NMNAT2: variants seen among roughly 807,000 people sequenced by gnomAD.
NMNAT2 encodes the protein nicotinamide/nicotinic acid mononucleotide adenylyltransferase 2.
In NMNAT2, 11 loss-of-function variants were observed where a neutral mutation model predicts 41.6. The ratio of observed to expected loss-of-function variants is 0.26; its 90% CI spans 0.17 to 0.44. The LOEUF is 0.44. NMNAT2 is among the 20% of genes least tolerant of loss of function. The probability of loss-of-function intolerance (pLI) is 1.00; values close to 1 mark genes in which losing one functional copy is unlikely to be tolerated. For missense variants in NMNAT2, 288 were observed against 407.7 expected, an observed-to-expected ratio of 0.71 and a Z score of 2.53; for synonymous variants, 148 against 151.2, an observed-to-expected ratio of 0.98 and a Z score of 0.16.
At chr1:183,294,040 T>G (rs1381881919) in intron 1 of NMNAT2, among the ~76,000 whole-genome samples, 1 of 152,186 alleles carries the variant, frequency 6.6e-6, no homozygotes, top group Non-Finnish European at 1.5e-5. Flanking sequence ...AAGTCCTCTG[T>G]GGGAGGAGCC....
chr1:183,339,013 C>T (rs976711126), intron 1 of NMNAT2, among the ~76,000 whole-genome samples: 1 of 152,090 alleles, frequency 6.6e-6, no homozygotes, highest in East Asian at 1.9e-4. Flanking sequence ...TCCTGCCAGG[C>T]GACCCTGCCC....
intron 10 of NMNAT2, 39 bp downstream of exon 10, chr1:183,260,963 A>G: frequency 6.7e-7 from 1 of 1,501,898 alleles, no homozygotes; most frequent in Non-Finnish European, 9.3e-7. Flanking sequence ...CTTATAAGAC[A>G]GTTTGACTAA....
chr1:183,256,724 A>G (rs1389775129), intron 10 of NMNAT2, among the ~76,000 whole-genome samples: 1 of 152,154 alleles, frequency 6.6e-6, no homozygotes, highest in Non-Finnish European at 1.5e-5. Flanking sequence ...GGACTTTTAC[A>G]TCAATGCTCA....
chr1:183,364,204 G>A (rs889300348), intron 1 of NMNAT2, among the ~76,000 whole-genome samples: 3 of 152,228 alleles, frequency 2.0e-5, no homozygotes, highest in African/African-American at 7.2e-5. Flanking sequence ...ACACGAAAGG[G>A]GATATGACAC....
Position 183,261,287 on chromosome 1 carries a change from C to G in NMNAT2, c.668G>C (p.Gly223Ala). Residue 223 changes from glycine to alanine, a missense_variant, in exon 9 of 11, where the codon GGT becomes GCT. Transcript: ENST00000287713. ...WNEADMEVIV[G>A]DFGIVVVPRD... ...GGGCACCACCACAATCCCAAAGTCA[C>G]CAACAATCACCTCCATCTAAAGAAA... The G allele has an allele frequency of 6.2e-7, 1 of 1,613,582 alleles. No individual in the cohort carries two copies.
intron 1 of NMNAT2, among the ~76,000 whole-genome samples, chr1:183,379,047 AATATCTATATCTATATCT>A (rs71127348): frequency 7.9e-5 from 11 of 139,762 alleles, no homozygotes; most frequent in Non-Finnish European, 1.1e-4. Context: ...TGTCTCAAAA[AATATCTATATCTATATCT>A]ATATCTATAT....
intron 1 of NMNAT2, among the ~76,000 whole-genome samples, chr1:183,295,715 T>C (rs1478847030): frequency 6.6e-6 from 1 of 152,178 alleles, no homozygotes; most frequent in Non-Finnish European, 1.5e-5. Context: ...CTGTTTACTT[T>C]TTCTATAGAT....
At chr1:183,281,814 C>T (rs1661277138) in intron 7 of NMNAT2, among the ~76,000 whole-genome samples, 1 of 152,206 alleles carries the variant, frequency 6.6e-6, no homozygotes, top group Non-Finnish European at 1.5e-5. Context: ...ATGGCTTTTC[C>T]TCCTCATTTA....
chr1:183,316,359 G>A (rs1003726794), intron 1 of NMNAT2, among the ~76,000 whole-genome samples: 3 of 152,208 alleles, frequency 2.0e-5, no homozygotes, highest in Non-Finnish European at 2.9e-5. Context: ...TCTGTGGGGT[G>A]GGGAGCTAAG....
chr1:183,289,994 G>A (rs1661497028), intron 4 of NMNAT2, 134 bp downstream of exon 4: 1 of 645,988 alleles, frequency 1.5e-6, no homozygotes, highest in African/African-American at 1.8e-5. Flanking sequence ...ACAACCGGCA[G>A]AGAAATAAGA....
At chr1:183,302,748 A>G (rs1053000063) in intron 1 of NMNAT2, among the ~76,000 whole-genome samples, 1 of 152,170 alleles carries the variant, frequency 6.6e-6, no homozygotes, top group Non-Finnish European at 1.5e-5. Flanking sequence ...TAAACTAGGC[A>G]AAGGAGAGCC....
At chr1:183,348,284 G>A (rs954565493) in intron 1 of NMNAT2, among the ~76,000 whole-genome samples, 3 of 152,046 alleles carry the variant, frequency 2.0e-5, no homozygotes, top group Non-Finnish European at 2.9e-5. Context: ...GTGCGTGCAC[G>A]TGTCCACAAG....
chr1:183,381,372 A>C (rs1302418779), intron 1 of NMNAT2, among the ~76,000 whole-genome samples: 1 of 152,204 alleles, frequency 6.6e-6, no homozygotes, highest in Non-Finnish European at 1.5e-5. Context: ...ACATACAATA[A>C]TAATGGGTAC....
chr1:183,280,700 T>C (rs1571570012), intron 7 of NMNAT2, among the ~76,000 whole-genome samples: 1 of 152,004 alleles, frequency 6.6e-6, no homozygotes, highest in African/African-American at 2.4e-5. Flanking sequence ...TAAACTTTCT[T>C]AAAACATTAT....
At chr1:183,386,898 A>T (rs906958906) in intron 1 of NMNAT2, among the ~76,000 whole-genome samples, 3 of 152,118 alleles carry the variant, frequency 2.0e-5, no homozygotes, top group African/African-American at 4.8e-5. Context: ...GAGATGCAAG[A>T]AGTACTTTAT....
intron 1 of NMNAT2, among the ~76,000 whole-genome samples, chr1:183,355,685 T>C (rs1663169302): frequency 6.6e-6 from 1 of 152,204 alleles, no homozygotes; most frequent in Non-Finnish European, 1.5e-5. Context: ...ACATCAGAAA[T>C]GTAGCCCCAG....
intron 1 of NMNAT2, among the ~76,000 whole-genome samples, chr1:183,385,690 C>T (rs562034048): frequency 1.3e-5 from 2 of 152,208 alleles, no homozygotes; most frequent in Non-Finnish European, 2.9e-5. Context: ...TTTGGCCACC[C>T]ATACATTTAG....
chr1:183,362,453 G>A (rs981867050), intron 1 of NMNAT2, among the ~76,000 whole-genome samples: 2 of 152,094 alleles, frequency 1.3e-5, no homozygotes, highest in Admixed American at 6.6e-5. Flanking sequence ...AGTCCCTGAC[G>A]GCCACTACTC....
chr1:183,348,543 G>T (rs1453450552), intron 1 of NMNAT2, among the ~76,000 whole-genome samples: 1 of 152,214 alleles, frequency 6.6e-6, no homozygotes, highest in Non-Finnish European at 1.5e-5. Context: ...GATTGGGGGT[G>T]TGGGGGAATG....
Sources: allele counts gnomAD v4.1 joint callset (sites outside exome capture counted in the v4.1 genomes callset), GRCh38; gene constraint gnomAD v4.1.1; transcripts MANE v1.5; gene names NCBI Gene and HGNC (gene_info 2026-07-23, HGNC 2026-07-21).